Variants in TENM3 observed in about 807,000 individuals in gnomAD.
TENM3 encodes the protein teneurin-3.
TENM3 carries 63 observed loss-of-function variants against 255.1 expected under a neutral mutation model. That is an observed-to-expected ratio of 0.25 (90% confidence interval 0.20 to 0.30). The LOEUF (loss-of-function observed/expected upper bound fraction) is 0.30, where lower values mean the gene tolerates loss of function less well. Among genes scored for constraint, TENM3 ranks in the 10% least tolerant of loss-of-function variants. The probability of loss-of-function intolerance (pLI) is 1.00; values close to 1 mark genes in which losing one functional copy is unlikely to be tolerated. For missense variants in TENM3, 2,929 were observed against 3,461.1 expected (o/e 0.85, Z 3.86); for synonymous variants, 1,306 against 1,322.3 (o/e 0.99, Z 0.27).
At chr4:181,707,048 C>T in the TENM3 span, among the ~76,000 whole-genome samples, 2 of 152,240 alleles carry the variant, frequency 1.3e-5, no homozygotes, top group East Asian at 1.9e-4. Flanking sequence ...GACTGCAGGC[C>T]ATACTGTTAT....
At chr4:182,605,088 C>T (rs1162739197) in intron 4 of TENM3, among the ~76,000 whole-genome samples, 1 of 152,216 alleles carries the variant, frequency 6.6e-6, no homozygotes, top group Non-Finnish European at 1.5e-5. Context: ...GTCAGCCTTG[C>T]TGACGTGTGT....
the TENM3 span, among the ~76,000 whole-genome samples, chr4:182,011,939 G>A: frequency 2.0e-5 from 3 of 152,142 alleles, no homozygotes; most frequent in Non-Finnish European, 4.4e-5. Context: ...TGTGTTATGG[G>A]GAATCACAGA....
Position 182,462,038 on chromosome 4 carries a change from T to C in TENM3, c.511+115109T>C, listed in dbSNP as rs1227493600. 5.3e-5 allele frequency among the ~76,000 whole-genome samples: 8 copies of C among 151,420 alleles called. No individual in the cohort carries two copies. The South Asian group carries it at 6.3e-4, about 12-fold the overall frequency. ...GCAAGTGATTGCAAACTGCCTCATA[T>C]CTTACATACTCATCACAGCCTCCTC... On this transcript the variant is annotated intron_variant, in intron 3 of 27. Transcript: ENST00000511685.
At chr4:181,939,467 C>G in the TENM3 span, among the ~76,000 whole-genome samples, 1 of 152,236 alleles carries the variant, frequency 6.6e-6, no homozygotes, top group African/African-American at 2.4e-5. Context: ...AGAGCTGTGG[C>G]TGTGATCAGC....
chr4:181,566,796 C>T, the TENM3 span, among the ~76,000 whole-genome samples: 1 of 152,198 alleles, frequency 6.6e-6, no homozygotes, highest in Non-Finnish European at 1.5e-5. Context: ...TCAGCCAACT[C>T]TCTCTTAGCT....
At chr4:181,837,374 G>GT in the TENM3 span, among the ~76,000 whole-genome samples, 1 of 152,082 alleles carries the variant, frequency 6.6e-6, no homozygotes, top group South Asian at 2.1e-4. Context: ...GTTTATAAGA[G>GT]TTTTTTTCAT....
chr4:182,533,011 G>C (rs924122071), intron 3 of TENM3, among the ~76,000 whole-genome samples: 1 of 152,130 alleles, frequency 6.6e-6, no homozygotes, highest in African/African-American at 2.4e-5. Flanking sequence ...GTGATTCCCC[G>C]ATTATGATCT....
chr4:182,422,712 G>A (rs1040740270), intron 3 of TENM3, among the ~76,000 whole-genome samples: 2 of 152,044 alleles, frequency 1.3e-5, no homozygotes, highest in Non-Finnish European at 2.9e-5. Context: ...AAATATATCT[G>A]GACAAAAATT....
intron 3 of TENM3, among the ~76,000 whole-genome samples, chr4:182,489,632 T>A (rs890877352): frequency 6.6e-5 from 10 of 152,154 alleles, no homozygotes; most frequent in Admixed American, 5.2e-4. Context: ...CAGACTAACA[T>A]AATTTCATGA....
the TENM3 span, among the ~76,000 whole-genome samples, chr4:182,126,010 A>AC: frequency 6.6e-6 from 1 of 152,186 alleles, no homozygotes; most frequent in African/African-American, 2.4e-5. Context: ...ATTCTGACCC[A>AC]CTTAAAAATG....
intron 2 of TENM3, among the ~76,000 whole-genome samples, chr4:182,336,079 T>C (rs769095677): frequency 5.9e-5 from 9 of 152,186 alleles, no homozygotes; most frequent in Non-Finnish European, 1.2e-4. Flanking sequence ...AGGAAATCAA[T>C]GGAAGCGGCT....
intron 3 of TENM3, among the ~76,000 whole-genome samples, chr4:182,397,963 C>A (rs1028738808): frequency 6.6e-6 from 1 of 152,102 alleles, no homozygotes; most frequent in Non-Finnish European, 1.5e-5. Context: ...ACATGTGGCC[C>A]CTCCATGTGG....
chr4:182,301,691 T>A (rs1284682225), intron 1 of TENM3, among the ~76,000 whole-genome samples: 1 of 152,172 alleles, frequency 6.6e-6, no homozygotes, highest in Non-Finnish European at 1.5e-5. Flanking sequence ...TAGTTTTTGT[T>A]TTTTGGTTTT....
chr4:182,303,786 A>G (rs533780993), intron 1 of TENM3, among the ~76,000 whole-genome samples: 43 of 152,332 alleles, frequency 2.8e-4, no homozygotes, highest in African/African-American at 8.9e-4. Flanking sequence ...CATTTTAGCT[A>G]TGGACATTAA....
chr4:181,902,032 C>T, the TENM3 span, among the ~76,000 whole-genome samples: 6 of 152,036 alleles, frequency 3.9e-5, no homozygotes, highest in East Asian at 9.7e-4. Flanking sequence ...CCATATGATA[C>T]CAGACAGAAA....
chr4:182,315,355 T>G (rs553497640), intron 1 of TENM3, among the ~76,000 whole-genome samples: 1 of 152,298 alleles, frequency 6.6e-6, no homozygotes, highest in African/African-American at 2.4e-5. Flanking sequence ...AAAAAGGTAT[T>G]TATTTCACCT....
At chr4:181,794,939 A>T in the TENM3 span, among the ~76,000 whole-genome samples, 1 of 152,166 alleles carries the variant, frequency 6.6e-6, no homozygotes, top group Non-Finnish European at 1.5e-5. Flanking sequence ...ATCAGTCCAG[A>T]AATTCACAGA....
At chr4:182,744,185 T>C in intron 19 of TENM3, 6 of 951,428 alleles carry the variant, frequency 6.3e-6, no homozygotes, top group Non-Finnish European at 7.6e-6. Context: ...ACCTTAAGGT[T>C]ATTGTATATT....
intron 6 of TENM3, among the ~76,000 whole-genome samples, chr4:182,657,672 G>A (rs1753867656): frequency 6.6e-6 from 1 of 151,818 alleles, no homozygotes; most frequent in Admixed American, 6.6e-5. Context: ...TACTTATTTT[G>A]AGACAGGGTC....
Sources: gnomAD v4.1 joint callset for allele counts (sites outside exome capture counted in the v4.1 genomes callset) on GRCh38, gnomAD v4.1.1 for gene constraint, MANE v1.5 for transcripts, NCBI Gene and HGNC (gene_info 2026-07-23, HGNC 2026-07-21) for gene names.